The following PPP3CA variants were observed in gnomAD, a reference collection of about 807,000 sequenced individuals.
The protein encoded by PPP3CA is CAM-PRP catalytic subunit.
PPP3CA carries 14 observed loss-of-function variants against 66.5 expected under a neutral mutation model. The observed-to-expected ratio is 0.21, with a 90% CI of 0.14 to 0.33. The LOEUF (loss-of-function observed/expected upper bound fraction) is 0.33. PPP3CA is among the 10% of genes least tolerant of loss of function. PPP3CA has a pLI of 1.00. For synonymous variants in PPP3CA, 232 were observed against 226.2 expected (o/e 1.03, Z -0.23); for missense variants, 317 against 639.5 (o/e 0.50, Z 5.44).
At chr4:101,055,331 A>T (rs1728181616) in intron 10 of PPP3CA, among the ~76,000 whole-genome samples, 1 of 152,140 alleles carries the variant, frequency 6.6e-6, no homozygotes, top group Non-Finnish European at 1.5e-5. Flanking sequence ...CTGCCAAATG[A>T]GATACCTTTA....
At chr4:101,124,735 GA>G (rs372087598) in intron 2 of PPP3CA, among the ~76,000 whole-genome samples, 1 of 68,584 alleles carries the variant, frequency 1.5e-5, no homozygotes, top group Non-Finnish European at 2.8e-5. Context: ...GAGAAAGAAA[GA>G]AAGAAAGAAA....
At position 101,025,030 on chromosome 4, in the gene PPP3CA, C is replaced by T. The variant is rs1190865474; in HGVS notation, c.*835G>A. ...TCACTATACTTAAAAATGCACCACT[C>T]ATAAATATTTAATTCAGCAAGCCAC... On this transcript the variant is annotated 3_prime_UTR_variant, in exon 14 of 14. Transcript: ENST00000394854. 1 of 151,678 alleles carries T rather than the reference C, an allele frequency of 6.6e-6. No individual in the cohort carries two copies. The highest frequency in any genetic ancestry group is 1.5e-5 in the Non-Finnish European group (1 of 67,930). 9.4% of individuals were successfully genotyped at this position (151,678 alleles called of 1,614,324 possible).
intron 1 of PPP3CA, among the ~76,000 whole-genome samples, chr4:101,338,042 T>G (rs1170963563): frequency 6.6e-6 from 1 of 152,232 alleles, no homozygotes; most frequent in African/African-American, 2.4e-5. Flanking sequence ...TCATTTGAAT[T>G]TGCACATTGT....
chr4:101,149,167 T>TA (rs1723057061), intron 2 of PPP3CA, among the ~76,000 whole-genome samples: 2 of 152,210 alleles, frequency 1.3e-5, no homozygotes, highest in East Asian at 1.9e-4. Context: ...TTGCTTATGA[T>TA]AAAAAATAGA....
chr4:101,143,164 C>T (rs564394700), intron 2 of PPP3CA, among the ~76,000 whole-genome samples: 5 of 152,246 alleles, frequency 3.3e-5, no homozygotes, highest in South Asian at 2.1e-4. Context: ...TCCTATGTCA[C>T]GTCACCCTTT....
chr4:101,182,389 AG>A (rs920982548), intron 2 of PPP3CA, among the ~76,000 whole-genome samples: 1 of 152,142 alleles, frequency 6.6e-6, no homozygotes, highest in African/African-American at 2.4e-5. Context: ...TTGCTATCTG[AG>A]GAGTCAAGAA....
chr4:101,050,130 T>TA (rs1046875684), intron 10 of PPP3CA, among the ~76,000 whole-genome samples: 5 of 152,058 alleles, frequency 3.3e-5, no homozygotes. Flanking sequence ...TAACATCACT[T>TA]AAATATATTA....
At chr4:101,244,575 G>A (rs2850365) in intron 1 of PPP3CA, among the ~76,000 whole-genome samples, 16,541 of 152,076 alleles carry the variant, frequency 0.11, 1,312 homozygotes, top group East Asian at 0.31. Flanking sequence ...TTAAGAGTAC[G>A]CTATACGCCC....
intron 1 of PPP3CA, among the ~76,000 whole-genome samples, chr4:101,302,773 G>A (rs975087169): frequency 1.3e-5 from 2 of 152,158 alleles, no homozygotes; most frequent in African/African-American, 2.4e-5. Context: ...AGAACCACAA[G>A]AGTGATTTGG....
At chr4:101,186,695 G>A (rs1197955863) in intron 2 of PPP3CA, among the ~76,000 whole-genome samples, 1 of 151,934 alleles carries the variant, frequency 6.6e-6, no homozygotes, top group East Asian at 1.9e-4. Context: ...GGTAAGTAGG[G>A]GACAGCTGTG....
At chr4:101,246,015 TAC>T (rs1025278978) in intron 1 of PPP3CA, among the ~76,000 whole-genome samples, 2 of 152,184 alleles carry the variant, frequency 1.3e-5, no homozygotes, top group African/African-American at 4.8e-5. Context: ...TCCTCGTTTC[TAC>T]ACAGTTAAAT....
intron 1 of PPP3CA, among the ~76,000 whole-genome samples, chr4:101,343,363 C>A (rs1729876939): frequency 6.6e-6 from 1 of 152,042 alleles, no homozygotes; most frequent in Non-Finnish European, 1.5e-5. Context: ...GCATTCTAGG[C>A]AGGAACAGAG....
intron 1 of PPP3CA, among the ~76,000 whole-genome samples, chr4:101,283,638 C>G (rs138312527): frequency 1.1e-4 from 17 of 152,206 alleles, no homozygotes; most frequent in Admixed American, 2.6e-4. Context: ...TCCCTGGGAA[C>G]TGTCAGCACT....
At position 101,195,999 on chromosome 4, in the gene PPP3CA, C is replaced by T. The variant is rs1191653592; in HGVS notation, c.176G>A (p.Ser59Asn). ...CTCTGTTATTATTCTCAATGCAACA[C>T]TCTCTTCCAGCCTTCCCTCCTTCAT... ...HLMKEGRLEE[S>N]VALRIITEGA... is the part of the protein sequence containing the mutation. Residue 59 changes from serine to asparagine, a missense_variant, in exon 2 of 14, where the codon AGT becomes AAT. Ser to Asn is a conservative substitution (Grantham distance 46, BLOSUM62 1). Around this residue, in one of 3 missense-constraint regions of PPP3CA, gnomAD observed 76 missense variants for 99.5 expected, o/e 0.76. Transcript: ENST00000394854. 2 of 1,614,106 alleles carry T rather than the reference C, an allele frequency of 1.2e-6. No homozygotes were observed. Among genetic ancestry groups the T allele is most frequent in the East Asian group, 2.2e-5 (1 of 44,868 alleles).
intron 2 of PPP3CA, among the ~76,000 whole-genome samples, chr4:101,113,022 G>C (rs1275032081): frequency 6.6e-6 from 1 of 152,126 alleles, no homozygotes; most frequent in South Asian, 2.1e-4. Flanking sequence ...ATACCCTTGT[G>C]ATTGATAGAG....
intron 8 of PPP3CA, among the ~76,000 whole-genome samples, chr4:101,070,433 A>T (rs1360076508): frequency 1.3e-5 from 2 of 152,232 alleles, no homozygotes; most frequent in African/African-American, 4.8e-5. Context: ...TAAAATTGTA[A>T]GAGCATGTAA....
At chr4:101,204,896 C>T (rs1307237301) in intron 1 of PPP3CA, among the ~76,000 whole-genome samples, 1 of 150,538 alleles carries the variant, frequency 6.6e-6, no homozygotes, top group Non-Finnish European at 1.5e-5. Flanking sequence ...GTCTACTCTA[C>T]AATGTTTTTT....
chr4:101,129,796 A>C (rs1722368416), intron 2 of PPP3CA, among the ~76,000 whole-genome samples: 1 of 152,176 alleles, frequency 6.6e-6, no homozygotes, highest in Non-Finnish European at 1.5e-5. Context: ...AGGACAAACC[A>C]GTGCAAAAAG....
chr4:101,106,397 G>GAA (rs1179858645), intron 3 of PPP3CA, among the ~76,000 whole-genome samples: 1 of 5,986 alleles, frequency 1.7e-4, no homozygotes, highest in Admixed American at 2.9e-3. Flanking sequence ...AAGAAAGAAA[G>GAA]AAAGAAAGAA....
Sources: allele counts gnomAD v4.1 joint callset (sites outside exome capture counted in the v4.1 genomes callset), GRCh38; gene constraint gnomAD v4.1.1; regional missense constraint gnomAD v4.1.1; transcripts MANE v1.5; gene names NCBI Gene and HGNC (gene_info 2026-07-23, HGNC 2026-07-21).